KMT2E: variants seen among roughly 807,000 people sequenced by gnomAD.
KMT2E encodes the protein lysine methyltransferase 2E (inactive), also known as histone reader KMT2E.
In KMT2E, 30 loss-of-function variants were observed where a neutral mutation model predicts 184.6. That is an observed-to-expected ratio of 0.16 (90% confidence interval 0.12 to 0.22). The LOEUF (loss-of-function observed/expected upper bound fraction) is 0.22, where lower values mean the gene tolerates loss of function less well. KMT2E is among the 10% of genes least tolerant of loss of function. KMT2E has a pLI of 1.00. For missense variants in KMT2E, 2,023 were observed against 2,237.4 expected (o/e 0.90, Z 1.93); for synonymous variants, 815 against 776.5 (o/e 1.05, Z -0.82).
rs61258714 is a variant in KMT2E at position 105,071,291 on chromosome 7, T to A, written c.498-2328T>A. ...GAAGTGAGATTGTTCAGTATAGTGA[T>A]AAATGTATATATAAAATTTTGTTAG... is the stretch of plus-strand genomic sequence containing the variant. On this transcript the variant is annotated intron_variant, in intron 6 of 26. Transcript: ENST00000311117. 3.2e-3 allele frequency among the ~76,000 whole-genome samples: 494 copies of A among 152,212 alleles called. 3 individuals are homozygous for A. The highest frequency in any genetic ancestry group is 0.011 in the African/African-American group (476 of 41,548).
In KMT2E at chr7:105,091,290, G is replaced by C. The variant is rs1260700871; in HGVS notation, c.1698G>C (p.Gln566His). The C allele has an allele frequency of 5.6e-6, 9 of 1,604,790 alleles. No homozygotes were observed. The highest frequency in any genetic ancestry group is 7.7e-6 in the Non-Finnish European group (9 of 1,171,608). ...AAGTAGAAATGGAATCAGAGGAGCA[G>C]ATTGCAGAAAGGAAAAGGAAGATGG... is the stretch of plus-strand genomic sequence containing the variant. ...SNEVEMESEEQIAERKRKMTR... is the reference protein window; with the variant it reads ...SNEVEMESEEHIAERKRKMTR... Residue 566 changes from glutamine (Q) to histidine (H), a missense_variant, in exon 15 of 27, where the codon CAG becomes CAC. Physicochemically the swap from Gln to His is conservative, Grantham distance 24. Coordinates refer to ENST00000311117, the MANE Select transcript of KMT2E (RefSeq NM_182931.3).
At chr7:105,071,608 ATTTT>A (rs869055986) in intron 6 of KMT2E, among the ~76,000 whole-genome samples, 462 of 30,844 alleles carry the variant, frequency 0.015, 4 homozygotes, top group African/African-American at 0.024. Flanking sequence ...ATATATATAT[ATTTT>A]TTTTTTTTTT....
intron 1 of KMT2E, among the ~76,000 whole-genome samples, chr7:105,032,506 A>G (rs572955523): frequency 2.0e-5 from 3 of 152,248 alleles, no homozygotes; most frequent in Admixed American, 2.0e-4. Context: ...TGTTTTACTT[A>G]TTTATTTTTT....
At chr7:105,035,505 A>T (rs1353136137) in intron 1 of KMT2E, among the ~76,000 whole-genome samples, 2 of 149,562 alleles carry the variant, frequency 1.3e-5, no homozygotes, top group Non-Finnish European at 3.0e-5. Context: ...CAGCATAATT[A>T]CCTTGGATTC....
At chr7:105,027,439 C>G (rs549112446) in intron 1 of KMT2E, among the ~76,000 whole-genome samples, 1 of 152,200 alleles carries the variant, frequency 6.6e-6, no homozygotes, top group Admixed American at 6.5e-5. Flanking sequence ...CAACCTCATT[C>G]TTGACATTTC....
At chr7:105,052,349 A>G (rs998215549) in intron 3 of KMT2E, among the ~76,000 whole-genome samples, 1 of 152,076 alleles carries the variant, frequency 6.6e-6, no homozygotes, top group Non-Finnish European at 1.5e-5. Context: ...CCCCTCTTCC[A>G]TTATCTAAAA....
intron 15 of KMT2E, among the ~76,000 whole-genome samples, chr7:105,092,150 G>A (rs1046820919): frequency 3.9e-5 from 6 of 152,170 alleles, no homozygotes; most frequent in Non-Finnish European, 8.8e-5. Context: ...TTGGCTGGGA[G>A]CGGTGGCTCA....
At chr7:105,046,637 A>G (rs927037625) in intron 3 of KMT2E, among the ~76,000 whole-genome samples, 3 of 152,206 alleles carry the variant, frequency 2.0e-5, no homozygotes, top group African/African-American at 7.2e-5. Flanking sequence ...GCCAGATTGC[A>G]TTCCTGAAAG....
At chr7:105,028,233 A>T (rs1273343017) in intron 1 of KMT2E, among the ~76,000 whole-genome samples, 2 of 148,116 alleles carry the variant, frequency 1.4e-5, no homozygotes, top group Non-Finnish European at 3.0e-5. Context: ...CAGTGGTGTG[A>T]TCTCAGCTCA....
intron 3 of KMT2E, among the ~76,000 whole-genome samples, chr7:105,045,224 C>A (rs1000873976): frequency 6.6e-6 from 1 of 152,312 alleles, no homozygotes; most frequent in African/African-American, 2.4e-5. Context: ...TTACATTGCC[C>A]GATCTTGCAG....
At chr7:105,106,800 A>T (rs1241891548) in intron 20 of KMT2E, 28 bp downstream of exon 20, 1 of 1,605,052 alleles carries the variant, frequency 6.2e-7, no homozygotes, top group Non-Finnish European at 8.5e-7. Context: ...AGAAAAAAAA[A>T]TTCAACACTT....
At chr7:105,062,434 G>A (rs536469210) in intron 4 of KMT2E, among the ~76,000 whole-genome samples, 156 bp downstream of exon 4, 1 of 152,186 alleles carries the variant, frequency 6.6e-6, no homozygotes, top group Admixed American at 6.5e-5. Context: ...ACCATTAAGC[G>A]ATTAAAGTTC....
rs1799397651 is a variant in KMT2E at position 105,113,059 on chromosome 7, A to C, written c.5303A>C (p.His1768Pro). ...VPPYPSQATH[H>P]TTLGPGPQHQ... ...CCGTATCCCTCACAAGCTACACATC[A>C]TACCACTTTGGGACCGGGACCCCAG... Residue 1768 changes from histidine (H) to proline (P), a missense_variant, in exon 27 of 27, where the codon CAT becomes CCT. Around this residue, in one of 8 missense-constraint regions of KMT2E, gnomAD observed 1,108 missense variants for 1,050.9 expected, o/e 1.05. Transcript: ENST00000311117. 1 of 1,614,036 alleles carries C rather than the reference A, an allele frequency of 6.2e-7. No individual in the cohort carries two copies.
chr7:105,031,009 T>C (rs1795388894), intron 1 of KMT2E, among the ~76,000 whole-genome samples: 1 of 152,186 alleles, frequency 6.6e-6, no homozygotes, highest in South Asian at 2.1e-4. Flanking sequence ...ATAGAAAGCA[T>C]ACTTAGAAGG....
chr7:105,029,605 C>T (rs550947363), intron 1 of KMT2E, among the ~76,000 whole-genome samples: 1 of 152,038 alleles, frequency 6.6e-6, no homozygotes, highest in African/African-American at 2.4e-5. Context: ...GTCTTAAACA[C>T]TGAGGAGGCA....
intron 3 of KMT2E, 105 bp downstream of exon 3, chr7:105,041,128 T>C: frequency 1.6e-6 from 1 of 612,538 alleles, no homozygotes; most frequent in Non-Finnish European, 2.6e-6. Context: ...TCTTCTTTCC[T>C]AGCCATTTTT....
At chr7:105,066,448 A>G (rs1372415848) in intron 5 of KMT2E, among the ~76,000 whole-genome samples, 1 of 152,120 alleles carries the variant, frequency 6.6e-6, no homozygotes, top group East Asian at 1.9e-4. Context: ...CCGTCTCTAC[A>G]TTGTGATTTC....
intron 11 of KMT2E, chr7:105,077,746 C>A (rs1275299431): frequency 4.3e-6 from 1 of 235,274 alleles, no homozygotes; most frequent in Non-Finnish European, 8.3e-6. Context: ...GTCAGGAATT[C>A]TGATTGATTG....
chr7:105,049,922 C>T (rs1681001766), intron 3 of KMT2E, among the ~76,000 whole-genome samples: 1 of 151,928 alleles, frequency 6.6e-6, no homozygotes, highest in African/African-American at 2.4e-5. Context: ...AAAAATGTCA[C>T]TTTTAAAAAA....
Sources: gnomAD v4.1 joint callset for allele counts (sites outside exome capture counted in the v4.1 genomes callset) on GRCh38, gnomAD v4.1.1 for gene constraint, gnomAD v4.1.1 regional missense constraint, MANE v1.5 for transcripts, NCBI Gene and HGNC (gene_info 2026-07-23, HGNC 2026-07-21) for gene names.